The following RFC3 variants were observed in gnomAD, a reference collection of about 807,000 sequenced individuals.
RFC3 encodes the protein replication factor C subunit 3.
A neutral mutation model predicts 45.1 loss-of-function variants in RFC3; 41 were observed. That is an observed-to-expected ratio of 0.91 (90% CI 0.71 to 1.18). The LOEUF is 1.18. Among genes scored for constraint, RFC3 ranks in the 50% most tolerant of loss-of-function variants. The probability of loss-of-function intolerance (pLI) is 0.00; values close to 1 mark genes in which losing one functional copy is unlikely to be tolerated. For missense variants in RFC3, 423 were observed against 428.1 expected, an observed-to-expected ratio of 0.99 and a Z score of 0.10; for synonymous variants, 149 against 144.0, an observed-to-expected ratio of 1.03 and a Z score of -0.25.
intron 8 of RFC3, among the ~76,000 whole-genome samples, chr13:33,903,895 A>ATGT (rs2137677343): frequency 6.6e-6 from 1 of 152,130 alleles, no homozygotes; most frequent in South Asian, 2.1e-4. Flanking sequence ...CCAATTATGC[A>ATGT]CCTGTGTCCA....
chr13:33,966,976 G>T (rs1201092877), downstream of RFC3, among the ~76,000 whole-genome samples: 1 of 151,946 alleles, frequency 6.6e-6, no homozygotes, highest in Non-Finnish European at 1.5e-5. Context: ...GGGCAACATG[G>T]CGAAACCCCG....
At chr13:33,890,898 A>T (rs1479032282) in intron 8 of RFC3, among the ~76,000 whole-genome samples, 1 of 152,198 alleles carries the variant, frequency 6.6e-6, no homozygotes, top group Non-Finnish European at 1.5e-5. Context: ...AGATATATCA[A>T]TATGTAAAAT....
At chr13:33,842,585 A>G (rs1000340123) in intron 8 of RFC3, among the ~76,000 whole-genome samples, 3 of 151,926 alleles carry the variant, frequency 2.0e-5, no homozygotes, top group African/African-American at 7.2e-5. Flanking sequence ...CTTTTCCTCA[A>G]CTCACTGTTA....
chr13:33,951,039 C>CTTTTTTTT (rs926664684), intron 8 of RFC3, among the ~76,000 whole-genome samples: 3 of 60,802 alleles, frequency 4.9e-5, no homozygotes, highest in Non-Finnish European at 8.8e-5. Flanking sequence ...TCTGATGGCT[C>CTTTTTTTT]TTTTTTTTTT....
intron 8 of RFC3, among the ~76,000 whole-genome samples, chr13:33,925,634 AT>A (rs1178755507): frequency 2.0e-5 from 3 of 150,324 alleles, no homozygotes; most frequent in Non-Finnish European, 4.4e-5. Context: ...ATACATATAT[AT>A]GTATATGTAT....
chr13:33,933,673 A>T (rs997217136), intron 8 of RFC3, among the ~76,000 whole-genome samples: 1 of 152,132 alleles, frequency 6.6e-6, no homozygotes, highest in South Asian at 2.1e-4. Context: ...GAAAATAAGA[A>T]GGGAGAAACT....
intron 2 of RFC3, among the ~76,000 whole-genome samples, chr13:33,822,551 G>C (rs1039664158): frequency 6.6e-6 from 1 of 152,126 alleles, no homozygotes; most frequent in Admixed American, 6.5e-5. Flanking sequence ...CATGAAAATA[G>C]AGAATTAGAC....
At chr13:33,863,320 T>C (rs2082353479) in intron 8 of RFC3, among the ~76,000 whole-genome samples, 1 of 152,212 alleles carries the variant, frequency 6.6e-6, no homozygotes, top group South Asian at 2.1e-4. Context: ...TGGGTTTAAT[T>C]TCTGTTTGGG....
intron 6 of RFC3, 82 bp from the exon 7 acceptor site, chr13:33,831,170 CCGCA>C: frequency 1.2e-6 from 1 of 823,544 alleles, no homozygotes; most frequent in Non-Finnish European, 2.1e-6. Context: ...CGGTTCCTAA[CCGCA>C]CGGACCAGTG....
intron 8 of RFC3, among the ~76,000 whole-genome samples, chr13:33,859,597 A>C (rs2082328019): frequency 6.6e-6 from 1 of 152,184 alleles, no homozygotes; most frequent in East Asian, 1.9e-4. Flanking sequence ...CAGACTATGG[A>C]TAATTCCTAT....
In RFC3 at chr13:33,818,233, C is replaced by G. The variant is rs750246024; in HGVS notation, c.55C>G (p.His19Asp). The change falls in exon 1 of 9, where the codon CAC (histidine) becomes GAC (aspartate). Residue 19 changes from histidine (H) to aspartate (D), a missense_variant. By Grantham distance (81) the His-to-Asp change is moderately conservative (BLOSUM62 -1). Coordinates refer to ENST00000380071, the MANE Select transcript of RFC3 (RefSeq NM_002915.4). ...RPCSLGRLDY[H>D]KEQAAQLRNL... ...CTGCTCCTTGGGACGGCTGGACTAT[C>G]ACAAGGAGCAGGCGGCCCAGCTGCG... The G allele has an allele frequency of 5.0e-6, 8 of 1,613,638 alleles. No homozygotes were observed. Among genetic ancestry groups the G allele is most frequent in the Non-Finnish European group, 6.8e-6 (8 of 1,179,964 alleles).
intron 8 of RFC3, among the ~76,000 whole-genome samples, chr13:33,960,644 C>T (rs2083050986): frequency 6.8e-6 from 1 of 147,782 alleles, no homozygotes; most frequent in South Asian, 2.2e-4. Flanking sequence ...GTCAGGACCT[C>T]ACTGGAAAAT....
At chr13:33,887,661 A>T (rs1050796147) in intron 8 of RFC3, among the ~76,000 whole-genome samples, 15 of 152,142 alleles carry the variant, frequency 9.9e-5, no homozygotes, top group Admixed American at 2.6e-4. Context: ...TTTTGGCTTT[A>T]GTTGCCATTG....
At chr13:33,848,847 A>C (rs1593635312) in intron 8 of RFC3, 2 of 152,238 alleles carry the variant, frequency 1.3e-5, no homozygotes, top group South Asian at 4.1e-4. Context: ...TTCTATTAAA[A>C]AGAGATAGAA....
intron 8 of RFC3, among the ~76,000 whole-genome samples, chr13:33,909,158 C>A (rs951792144): frequency 1.3e-5 from 2 of 151,906 alleles, no homozygotes; most frequent in East Asian, 3.9e-4. Flanking sequence ...CTGTAATATA[C>A]ATTTTTTTTT....
intron 8 of RFC3, among the ~76,000 whole-genome samples, chr13:33,955,079 T>C (rs1463108748): frequency 6.6e-6 from 1 of 152,146 alleles, no homozygotes; most frequent in Non-Finnish European, 1.5e-5. Context: ...AAACTCTAAA[T>C]CTTATGGTGC....
At chr13:33,873,640 GA>G (rs753764786) in intron 8 of RFC3, among the ~76,000 whole-genome samples, 40 of 152,290 alleles carry the variant, frequency 2.6e-4, no homozygotes, top group Non-Finnish European at 5.3e-4. Context: ...CTGGTGCCTT[GA>G]ATCTTGGGTC....
At position 33,848,416 on chromosome 13, in the gene RFC3, C is replaced by T. The variant is rs1344669119; in HGVS notation, c.879+13199C>T. The T allele has an allele frequency of 2.0e-5, 3 of 152,150 alleles. No homozygotes were observed. In the East Asian group the frequency reaches 5.8e-4, roughly 29 times the overall value. The allele number at this position is 152,150 out of a possible 1,614,324, so 9.4% of individuals were successfully genotyped here. A position where few individuals can be genotyped will look rare whatever the true frequency, so the allele number is the denominator to read the frequency against. On this transcript the variant is annotated intron_variant, in intron 8 of 8. Coordinates refer to the RFC3 transcript ENST00000434425. ...AAAAGAGTACATGTGTTGATGATTCCCACATCCAGACATGAGGTGCTTTTC... is the reference window on the plus strand; with the variant it reads ...AAAAGAGTACATGTGTTGATGATTCTCACATCCAGACATGAGGTGCTTTTC...
At position 33,823,581 on chromosome 13, in the gene RFC3, T is replaced by C. The variant is rs3135565; in HGVS notation, c.226-336T>C. 7.6e-3 allele frequency among the ~76,000 whole-genome samples: 1,156 copies of C among 152,230 alleles called. 12 individuals carry two copies. Among genetic ancestry groups the C allele is most frequent in the African/African-American group, 0.027 (1,108 of 41,548 alleles). ...CACTCCATGAAAATACATTTGTGTA[T>C]GTTTATTTTTGTGTTAACATGGGAA... On this transcript the variant is annotated intron_variant, in intron 2 of 8. Coordinates refer to ENST00000380071, the MANE Select transcript of RFC3 (RefSeq NM_002915.4).
Sources: gnomAD v4.1 joint callset for allele counts (sites outside exome capture counted in the v4.1 genomes callset) on GRCh38, gnomAD v4.1.1 for gene constraint, MANE v1.5 for transcripts, NCBI Gene and HGNC (gene_info 2026-07-23, HGNC 2026-07-21) for gene names.